The following EMSY variants were observed in gnomAD, a reference collection of about 807,000 sequenced individuals.
The protein encoded by EMSY is BRCA2-interacting transcriptional repressor EMSY.
In EMSY, 26 loss-of-function variants were observed where a neutral mutation model predicts 134.6. The observed-to-expected ratio is 0.19, with a 90% CI of 0.14 to 0.27. The LOEUF (loss-of-function observed/expected upper bound fraction) is 0.27, where lower values mean the gene tolerates loss of function less well. Among genes scored for constraint, EMSY ranks in the 10% least tolerant of loss-of-function variants. EMSY has a pLI of 1.00. For synonymous variants in EMSY, 579 were observed against 577.8 expected (o/e 1.00, Z -0.03); for missense variants, 1,305 against 1,611.4 (o/e 0.81, Z 3.26).
intron 11 of EMSY, among the ~76,000 whole-genome samples, chr11:76,517,892 C>T (rs1239142577): frequency 6.6e-6 from 1 of 152,134 alleles, no homozygotes; most frequent in Non-Finnish European, 1.5e-5. Context: ...TCTATCTCTG[C>T]TTCATTGACA....
intron 8 of EMSY, among the ~76,000 whole-genome samples, chr11:76,491,206 G>T (rs1309191213): frequency 6.7e-6 from 1 of 148,426 alleles, no homozygotes; most frequent in Non-Finnish European, 1.5e-5. Context: ...AAGAGATAGG[G>T]GTCTTACTCT....
At chr11:76,485,840 T>G (rs1256873624) in intron 8 of EMSY, among the ~76,000 whole-genome samples, 1 of 152,248 alleles carries the variant, frequency 6.6e-6, no homozygotes, top group Non-Finnish European at 1.5e-5. Context: ...GAAGATGGTG[T>G]GGCGATTCTT....
intron 7 of EMSY, among the ~76,000 whole-genome samples, chr11:76,469,927 ACT>A (rs1224738711): frequency 6.6e-6 from 1 of 152,042 alleles, no homozygotes; most frequent in Admixed American, 6.6e-5. Flanking sequence ...ATGCTGGTTG[ACT>A]CTATATAGGT....
chr11:76,536,336 A>G (rs1250970566), intron 15 of EMSY, among the ~76,000 whole-genome samples: 2 of 152,112 alleles, frequency 1.3e-5, no homozygotes, highest in Non-Finnish European at 2.9e-5. Context: ...TCTTGCTTAA[A>G]ATGGACAGTC....
chr11:76,454,715 A>T, intron 4 of EMSY, 34 bp from the exon 5 acceptor site: 1 of 1,368,308 alleles, frequency 7.3e-7, no homozygotes, highest in South Asian at 1.3e-5. Context: ...GATAACATTT[A>T]TTTAGTCTCC....
chr11:76,485,481 T>G (rs2135567141), intron 8 of EMSY, among the ~76,000 whole-genome samples: 1 of 152,282 alleles, frequency 6.6e-6, no homozygotes, highest in African/African-American at 2.4e-5. Context: ...AAAAGGCCTT[T>G]GACAAAATTC....
At chr11:76,543,780 C>G (rs3758714) in intron 18 of EMSY, among the ~76,000 whole-genome samples, 2,557 of 152,282 alleles carry the variant, frequency 0.017, 48 homozygotes, top group East Asian at 0.093. Context: ...TCTGTGGGGA[C>G]TGGTACAGGC....
At chr11:76,481,849 C>T (rs944546837) in intron 8 of EMSY, among the ~76,000 whole-genome samples, 3 of 152,208 alleles carry the variant, frequency 2.0e-5, no homozygotes, top group African/African-American at 4.8e-5. Context: ...TCCTGCCTGC[C>T]AGCTCTGAAG....
chr11:76,499,110 C>CA (rs1299357450), intron 9 of EMSY, among the ~76,000 whole-genome samples: 2 of 151,616 alleles, frequency 1.3e-5, no homozygotes, highest in Non-Finnish European at 2.9e-5. Context: ...TACAGGTGCA[C>CA]ACTACCACGC....
rs113567541 is a variant in EMSY at position 76,505,576 on chromosome 11, G to A, written c.1364-7810G>A. Among the ~76,000 whole-genome samples the A allele has an allele frequency of 9.6e-3, 1,454 of 151,940 alleles. 19 individuals are homozygous for A. The highest frequency in any genetic ancestry group is 0.033 in the African/African-American group (1,365 of 41,432). On this transcript the variant is annotated intron_variant, in intron 9 of 20. Transcript: ENST00000334736. ...GAAAATAATCTAAAAGAAATATGGC[G>A]GCTGGGCACAGTGGCTCACGCCTGT...
chr11:76,480,820 A>G (rs966798112), intron 8 of EMSY, among the ~76,000 whole-genome samples: 2 of 152,180 alleles, frequency 1.3e-5, no homozygotes, highest in South Asian at 2.1e-4. Context: ...AGGGGTTGGG[A>G]AACTCCCTCC....
At chr11:76,529,689 ATAT>A (rs1950964668) in intron 14 of EMSY, among the ~76,000 whole-genome samples, 1 of 152,234 alleles carries the variant, frequency 6.6e-6, no homozygotes, top group African/African-American at 2.4e-5. Context: ...AGCATTCAAA[ATAT>A]TCTTTGAAAA....
intron 11 of EMSY, 115 bp from the exon 13 acceptor site, chr11:76,523,040 C>A: frequency 9.8e-7 from 1 of 1,021,052 alleles, no homozygotes; most frequent in Non-Finnish European, 1.4e-6. Context: ...TGACAGCTTT[C>A]ATGTCATCTA....
chr11:76,494,548 G>C (rs1416666630), intron 8 of EMSY, among the ~76,000 whole-genome samples: 1 of 152,142 alleles, frequency 6.6e-6, no homozygotes, highest in Non-Finnish European at 1.5e-5. Flanking sequence ...CATGTTACTA[G>C]TATTCAGGAA....
At chr11:76,448,733 T>C (rs1015993960) in intron 2 of EMSY, among the ~76,000 whole-genome samples, 1 of 152,092 alleles carries the variant, frequency 6.6e-6, no homozygotes, top group African/African-American at 2.4e-5. Flanking sequence ...GTTGGCTTAT[T>C]ATCATAACAA....
At chr11:76,478,293 T>C (rs1298080439) in intron 8 of EMSY, among the ~76,000 whole-genome samples, 1 of 151,732 alleles carries the variant, frequency 6.6e-6, no homozygotes, top group Admixed American at 6.6e-5. Context: ...TATACCACAA[T>C]AGCACTTTCT....
intron 9 of EMSY, among the ~76,000 whole-genome samples, chr11:76,503,484 G>A (rs1295931335): frequency 1.3e-5 from 2 of 152,042 alleles, no homozygotes; most frequent in African/African-American, 4.8e-5. Context: ...TGCTTTTTGA[G>A]AAAGATGCCA....
intron 20 of EMSY, 83 bp from the exon 22 acceptor site, chr11:76,549,869 T>C: frequency 7.7e-7 from 1 of 1,295,252 alleles, no homozygotes; most frequent in Non-Finnish European, 1.1e-6. Context: ...AGTTTTCTTT[T>C]TTTTTTTTTT....
chr11:76,542,340 T>C (rs1951469412), exon 18 of EMSY: 4 of 1,614,080 alleles, frequency 2.5e-6, no homozygotes, highest in East Asian at 2.2e-5. Context: ...CATCTTCCCC[T>C]GGAGCAATCA....
Sources: allele counts gnomAD v4.1 joint callset (sites outside exome capture counted in the v4.1 genomes callset), GRCh38; gene constraint gnomAD v4.1.1; transcripts MANE v1.5; gene names NCBI Gene and HGNC (gene_info 2026-07-23, HGNC 2026-07-21).